WDR76: variants seen among roughly 807,000 people sequenced by gnomAD.
WDR76 encodes WD repeat-containing protein 76.
Under a neutral mutation model 70.2 loss-of-function variants are expected in WDR76, and 52 were observed. The observed-to-expected ratio is 0.74, with a 90% CI of 0.59 to 0.93. The LOEUF is 0.93. WDR76 is among the 40% of genes least tolerant of loss of function. The pLI, the probability that WDR76 is intolerant of heterozygous loss-of-function variation, is 0.00. For missense variants in WDR76, 756 were observed against 760.2 expected, an observed-to-expected ratio of 0.99 and a Z score of 0.07; for synonymous variants, 292 against 271.1, an observed-to-expected ratio of 1.08 and a Z score of -0.76.
chr15:43,858,996 C>A (rs935561076), intron 11 of WDR76, among the ~76,000 whole-genome samples, 173 bp downstream of exon 11: 3 of 152,106 alleles, frequency 2.0e-5, no homozygotes, highest in Non-Finnish European at 2.9e-5. Context: ...GGCTTTTCAG[C>A]GGTTTTTGGG....
In WDR76 at chr15:43,842,471, T is replaced by G; in HGVS notation, c.789T>G (p.Asn263Lys). 6.2e-7 allele frequency: 1 copy of G among 1,614,104 alleles called. No homozygotes were observed. The highest frequency in any genetic ancestry group is 8.5e-7 in the Non-Finnish European group (1 of 1,180,006). Residue 263 changes from asparagine to lysine, a missense_variant, in exon 6 of 13, where the codon AAT becomes AAG. Transcript: ENST00000263795. ...CTTCTGAAAATCAAGAAGACAACAATGAACGATTTAAAGGATTTCTGCACA... is the reference window on the plus strand; with the variant it reads ...CTTCTGAAAATCAAGAAGACAACAAGGAACGATTTAAAGGATTTCTGCACA... ...EMTSENQEDNNERFKGFLHTW... is the reference protein window; with the variant it reads ...EMTSENQEDNKERFKGFLHTW...
intron 8 of WDR76, among the ~76,000 whole-genome samples, chr15:43,850,402 T>G (rs2087842322): frequency 1.3e-5 from 2 of 151,960 alleles, no homozygotes; most frequent in South Asian, 4.2e-4. Context: ...TTCATGCCAT[T>G]CTCCTGCCTC....
chr15:43,840,547 T>C (rs1009152376), intron 5 of WDR76, among the ~76,000 whole-genome samples: 2 of 152,198 alleles, frequency 1.3e-5, no homozygotes, highest in African/African-American at 4.8e-5. Flanking sequence ...TTTAATACTT[T>C]ATATGTAAGT....
chr15:43,857,460 GT>G, intron 10 of WDR76: 5 of 985,256 alleles, frequency 5.1e-6, no homozygotes, highest in Non-Finnish European at 6.0e-6. Context: ...AGAAAAAAAA[GT>G]TACATGTGAC....
intron 9 of WDR76, among the ~76,000 whole-genome samples, chr15:43,853,996 C>T (rs1006410912): frequency 2.0e-5 from 3 of 151,950 alleles, no homozygotes; most frequent in African/African-American, 7.3e-5. Flanking sequence ...TAGGGAAATG[C>T]AAATCACAAT....
intron 11 of WDR76, among the ~76,000 whole-genome samples, chr15:43,860,052 A>T (rs1019580745): frequency 6.6e-5 from 10 of 152,030 alleles, no homozygotes; most frequent in African/African-American, 2.2e-4. Flanking sequence ...GGAGTTCGAG[A>T]CCAGCCTGGG....
At position 43,857,029 on chromosome 15, in the gene WDR76, T is replaced by C; in HGVS notation, c.1275T>C (p.Asp425=). The change falls in exon 10 of 13, where the codon GAT becomes GAC. Residue 425 remains aspartate, a synonymous_variant. Coordinates refer to ENST00000263795, the MANE Select transcript of WDR76 (RefSeq NM_024908.4). ...DASTLIVGHW[D]GNMSLVDRRT... is the part of the protein sequence containing the mutation. ...CCACTTTAATAGTAGGACACTGGGATGGAAATATGTCACTGGTGGATAGAC... is the reference window on the plus strand; with the variant it reads ...CCACTTTAATAGTAGGACACTGGGACGGAAATATGTCACTGGTGGATAGAC... 1.2e-6 allele frequency: 2 copies of C among 1,614,130 alleles called. No individual in the cohort carries two copies. Among genetic ancestry groups the C allele is most frequent in the Non-Finnish European group, 1.7e-6 (2 of 1,180,006 alleles).
chr15:43,829,588 G>A (rs1182264860), intron 2 of WDR76, among the ~76,000 whole-genome samples: 1 of 138,778 alleles, frequency 7.2e-6, no homozygotes, highest in Non-Finnish European at 1.5e-5. Flanking sequence ...CTTACTGCAA[G>A]CTCCTCCTCC....
Position 43,858,631 on chromosome 15 carries a change from T to C in WDR76, c.1410-40T>C, listed in dbSNP as rs1176947022. 8 of 1,605,058 alleles carry C rather than the reference T, an allele frequency of 5.0e-6. No individual in the cohort carries two copies. The South Asian group carries it at 5.6e-5, about 11-fold the overall frequency. ...AGCCCTGTTGTAGAGGTTCATTACA[T>C]GTACTATGGCAACATTGATCATTGT... On this transcript the variant is annotated intron_variant, in intron 10 of 12. Transcript: ENST00000263795.
chr15:43,831,648 C>G (rs556898253), intron 2 of WDR76, among the ~76,000 whole-genome samples: 6 of 152,228 alleles, frequency 3.9e-5, no homozygotes, highest in Non-Finnish European at 2.9e-5. Flanking sequence ...CCATGTTGGC[C>G]AGGCTGGTTT....
At chr15:43,859,033 A>C (rs534374138) in intron 11 of WDR76, among the ~76,000 whole-genome samples, 1 of 152,292 alleles carries the variant, frequency 6.6e-6, no homozygotes, top group East Asian at 1.9e-4. Flanking sequence ...GAGACTGGCA[A>C]AGGTCCGTAG....
intron 8 of WDR76, among the ~76,000 whole-genome samples, chr15:43,846,645 GT>G (rs67188989): frequency 0.011 from 1,488 of 133,266 alleles, 116 homozygotes; most frequent in Non-Finnish European, 0.02. Context: ...TTAAATGAAG[GT>G]TTTTTTTTGG....
Position 43,839,599 on chromosome 15 carries a change from C to T in WDR76, c.609-6C>T, listed in dbSNP as rs768984684. On this transcript the variant is annotated splice_polypyrimidine_tract_variant and splice_region_variant and intron_variant, in intron 4 of 12. Transcript: ENST00000263795. ...GTATAACATGAGTTTTTCCCCACTC[C>T]TTTAGAAAGAAGCCTAAGAGAGAAA... 42 of 1,603,828 alleles carry T rather than the reference C, an allele frequency of 2.6e-5. No individual in the cohort carries two copies. The Admixed American group carries it at 7.2e-4, about 28-fold the overall frequency.
intron 1 of WDR76, 149 bp downstream of exon 1, chr15:43,827,241 T>A: frequency 1.2e-6 from 1 of 861,576 alleles, no homozygotes; most frequent in Non-Finnish European, 1.8e-6. Flanking sequence ...TGACGAAAGG[T>A]TCTTATCAAT....
At chr15:43,840,915 A>G (rs1453861216) in intron 5 of WDR76, among the ~76,000 whole-genome samples, 1 of 151,946 alleles carries the variant, frequency 6.6e-6, no homozygotes, top group Non-Finnish European at 1.5e-5. Context: ...GTTAATTTAA[A>G]AATATATATA....
intron 5 of WDR76, among the ~76,000 whole-genome samples, chr15:43,842,000 T>C (rs1190324053): frequency 1.3e-5 from 2 of 152,130 alleles, no homozygotes; most frequent in African/African-American, 4.8e-5. Flanking sequence ...CCTGAGCTGC[T>C]GGGATTACAG....
chr15:43,844,172 A>T, intron 8 of WDR76, 118 bp downstream of exon 8: 1 of 834,144 alleles, frequency 1.2e-6, no homozygotes, highest in Non-Finnish European at 1.7e-6. Context: ...TTTGGGCTTT[A>T]TGATGCTTTA....
intron 2 of WDR76, among the ~76,000 whole-genome samples, chr15:43,832,274 A>C (rs2087598612): frequency 6.6e-6 from 1 of 151,630 alleles, no homozygotes; most frequent in East Asian, 1.9e-4. Context: ...GCAGGCCTGT[A>C]GTTTCAGCTT....
chr15:43,843,983 CTCCA>C lies in WDR76; in HGVS notation c.968_971del (p.Pro323GlnfsTer7), dbSNP rs1479411949. 1.2e-6 allele frequency: 2 copies of C among 1,613,960 alleles called. No homozygotes were observed. Among genetic ancestry groups the C allele is most frequent in the South Asian group, 1.1e-5 (1 of 91,068 alleles). ...CACAGGCCCAATATTCTCTATGGCT[CTCCA>C]TCCATCAGAAACTAGAACTTTGGTA... On this transcript the variant is annotated frameshift_variant, in exon 8 of 13. Coordinates refer to ENST00000263795, the MANE Select transcript of WDR76 (RefSeq NM_024908.4). LOFTEE classifies it high-confidence loss of function.
Sources: gnomAD v4.1 joint callset for allele counts (sites outside exome capture counted in the v4.1 genomes callset) on GRCh38, gnomAD v4.1.1 for gene constraint, MANE v1.5 for transcripts, NCBI Gene and HGNC (gene_info 2026-07-23, HGNC 2026-07-21) for gene names.